Variants in AGXT2 observed in about 807,000 individuals in gnomAD.
AGXT2 encodes the protein alanine--glyoxylate aminotransferase 2, mitochondrial.
In AGXT2, 61 loss-of-function variants were observed where a neutral mutation model predicts 62.5. The observed-to-expected ratio is 0.98, with a 90% CI of 0.79 to 1.21. The LOEUF is 1.21. Among genes scored for constraint, AGXT2 ranks in the 50% most tolerant of loss-of-function variants. The pLI, the probability that AGXT2 is intolerant of heterozygous loss-of-function variation, is 0.00. For missense variants in AGXT2, 666 were observed against 641.5 expected (o/e 1.04, Z -0.41); for synonymous variants, 243 against 218.7 (o/e 1.11, Z -0.98).
chr5:35,040,779 A>T lies in AGXT2; in HGVS notation c.89-116T>A, dbSNP rs1351769736. On this transcript the variant is annotated intron_variant, in intron 1 of 13. Transcript: ENST00000231420. ...GATAATTTTATTTCTTAGTTAAAAA[A>T]TCATGCTAATCAGCTTTTAGTTTGG... 4.5e-5 allele frequency: 37 copies of T among 826,516 alleles called. No homozygotes were observed. In the East Asian group the frequency reaches 9.2e-4, roughly 21 times the overall value. The allele number at this position is 826,516 out of a possible 1,614,324, so 51.2% of individuals were successfully genotyped here.
chr5:35,038,946 C>T (rs1431917244), intron 3 of AGXT2, among the ~76,000 whole-genome samples: 1 of 152,168 alleles, frequency 6.6e-6, no homozygotes, highest in East Asian at 1.9e-4. Flanking sequence ...AGTTATTTCT[C>T]ATCTCTCATC....
Position 35,010,031 on chromosome 5 carries a change from A to G in AGXT2, c.1307T>C (p.Leu436Pro). The G allele has an allele frequency of 6.2e-7, 1 of 1,614,236 alleles. No homozygotes were observed. The highest frequency in any genetic ancestry group is 8.5e-7 in the Non-Finnish European group (1 of 1,180,038). ...EIVGDVRGKG[L>P]MIGIEMVQDK... The stretch of plus-strand genomic sequence containing the variant: ...CTGCACCATTTCTATGCCTATCATG[A>G]GACCTTTGCCTCGGACGTCTCCAAC... Residue 436 changes from leucine (L) to proline (P), a missense_variant, in exon 12 of 14, where the codon CTC (leucine) becomes CCC (proline). By Grantham distance (98) the Leu-to-Pro change is moderately conservative. Transcript: ENST00000231420.
Position 35,047,823 on chromosome 5 carries a change from T to A in AGXT2, c.70A>T (p.Met24Leu), listed in dbSNP as rs775616472. ...LVTSAPRILE[M>L]HPFLSLGTSR... ...CACTTACGGCTCAGGAAAGGATGCATCTCAAGGATCCTGGGAGCGGAAGTG... is the reference window on the plus strand; with the variant it reads ...CACTTACGGCTCAGGAAAGGATGCAACTCAAGGATCCTGGGAGCGGAAGTG... The change falls in exon 1 of 14, where the codon ATG becomes TTG. Residue 24 changes from methionine (M) to leucine (L), a missense_variant. Transcript: ENST00000231420. The A allele has an allele frequency of 1.9e-6, 3 of 1,614,048 alleles. No individual in the cohort carries two copies. Among genetic ancestry groups the A allele is most frequent in the Admixed American group, 1.7e-5 (1 of 60,016 alleles).
chr5:35,012,740 T>C (rs1191870227), intron 11 of AGXT2: 2 of 574,278 alleles, frequency 3.5e-6, no homozygotes, highest in Admixed American at 3.0e-5. Flanking sequence ...AGGTTTATTA[T>C]ATATTATTTC....
At chr5:35,026,903 ACT>A (rs1767376631) in intron 7 of AGXT2, 2 of 984,888 alleles carry the variant, frequency 2.0e-6, no homozygotes, top group Non-Finnish European at 2.4e-6. Context: ...TTTGAAAATA[ACT>A]CTATTTACCT....
At chr5:35,047,761 T>G (rs940262690) in intron 1 of AGXT2, 44 bp downstream of exon 1, 13 of 1,608,476 alleles carry the variant, frequency 8.1e-6, no homozygotes, top group Non-Finnish European at 1.0e-5. Context: ...TCTTACCCTC[T>G]CGCTGATCCT....
At chr5:35,023,006 A>AT (rs570613982) in intron 9 of AGXT2, among the ~76,000 whole-genome samples, 81 of 147,740 alleles carry the variant, frequency 5.5e-4, no homozygotes, top group Middle Eastern at 3.5e-3. Flanking sequence ...TCTTCTGCAA[A>AT]TTTTTTTTTT....
Position 34,998,673 on chromosome 5 carries a change from C to A in AGXT2, c.*46G>T, listed in dbSNP as rs16899972. The A allele has an allele frequency of 0.51, 756,191 of 1,477,144 alleles. 196,784 individuals carry two copies. The highest frequency in any genetic ancestry group is 0.61 in the South Asian group (53,814 of 88,060). The allele number at this position is 1,477,144 out of a possible 1,614,324, so 91.5% of individuals were successfully genotyped here. A position where few individuals can be genotyped will look rare whatever the true frequency, so the allele number is the denominator to read the frequency against. On this transcript the variant is annotated 3_prime_UTR_variant, in exon 14 of 14. Transcript: ENST00000231420. ...TTCTTCAAATTCACCCTTGAACATA[C>A]GTGGCAAATTCTTGAGACTTGTGGT...
intron 5 of AGXT2, 93 bp downstream of exon 5, chr5:35,035,127 ACC>A (rs1767711382): frequency 4.6e-6 from 5 of 1,084,572 alleles, no homozygotes; most frequent in Non-Finnish European, 5.7e-6. Context: ...CCCTGAGAAA[ACC>A]TCTCTCCCAC....
chr5:35,041,118 G>T (rs1767969315), intron 1 of AGXT2, among the ~76,000 whole-genome samples: 1 of 148,520 alleles, frequency 6.7e-6, no homozygotes, highest in South Asian at 2.2e-4. Flanking sequence ...CGGCATTAAT[G>T]ACTGTTGACT....
At chr5:35,039,717 C>T (rs935023133) in intron 2 of AGXT2, among the ~76,000 whole-genome samples, 19 of 152,124 alleles carry the variant, frequency 1.2e-4, no homozygotes, top group African/African-American at 4.3e-4. Flanking sequence ...TGTAGCCTTT[C>T]GATCTCTTTT....
intron 6 of AGXT2, 86 bp downstream of exon 6, chr5:35,033,374 C>A (rs1767641401): frequency 1.8e-6 from 2 of 1,091,200 alleles, no homozygotes; most frequent in Admixed American, 1.7e-5. Flanking sequence ...ATATTAGTTT[C>A]TAATCCTTAT....
chr5:35,010,280 C>T, intron 11 of AGXT2, 131 bp from the exon 12 acceptor site: 1 of 1,144,586 alleles, frequency 8.7e-7, no homozygotes, highest in Non-Finnish European at 1.3e-6. Flanking sequence ...TCTAGTGTGA[C>T]CACAAGGACT....
In AGXT2 at chr5:35,035,214, G is replaced by A; in HGVS notation, c.581+8C>T. ...TTCCTAAAGTTGAATATTCCAAGTT[G>A]TGATTACCTGAAAGAAATGATGTCT... On this transcript the variant is annotated splice_region_variant and intron_variant, in intron 5 of 13. Coordinates refer to ENST00000231420, the MANE Select transcript of AGXT2 (RefSeq NM_031900.4). 1.9e-6 allele frequency: 3 copies of A among 1,612,498 alleles called. No individual in the cohort carries two copies. The highest frequency in any genetic ancestry group is 2.5e-6 in the Non-Finnish European group (3 of 1,178,506).
intron 4 of AGXT2, among the ~76,000 whole-genome samples, chr5:35,036,472 T>G (rs1355309448): frequency 6.6e-6 from 1 of 152,240 alleles, no homozygotes; most frequent in East Asian, 1.9e-4. Flanking sequence ...AAAAAATATC[T>G]AAGTGTAATT....
intron 9 of AGXT2, among the ~76,000 whole-genome samples, chr5:35,023,163 T>C (rs1251939373): frequency 1.7e-4 from 8 of 46,420 alleles, no homozygotes; most frequent in African/African-American, 2.9e-4. Context: ...TGATGGCAGA[T>C]GTAAAAAAAA....
intron 9 of AGXT2, among the ~76,000 whole-genome samples, chr5:35,018,059 A>T (rs899808135): frequency 1.3e-5 from 2 of 152,218 alleles, no homozygotes; most frequent in Non-Finnish European, 2.9e-5. Flanking sequence ...GCCTCCAAGA[A>T]ATATGGGACT....
chr5:35,029,855 G>A (rs1339296051), intron 7 of AGXT2, among the ~76,000 whole-genome samples: 1 of 152,126 alleles, frequency 6.6e-6, no homozygotes, highest in East Asian at 1.9e-4. Flanking sequence ...GATGGAGTAG[G>A]ACAAATAAAT....
intron 12 of AGXT2, among the ~76,000 whole-genome samples, chr5:35,008,583 G>T (rs1404733210): frequency 6.6e-6 from 1 of 152,102 alleles, no homozygotes; most frequent in Non-Finnish European, 1.5e-5. Flanking sequence ...ATGCATGTTG[G>T]GGTCAAAACA....
Sources: gnomAD v4.1 joint callset for allele counts (sites outside exome capture counted in the v4.1 genomes callset) on GRCh38, gnomAD v4.1.1 for gene constraint, MANE v1.5 for transcripts, NCBI Gene and HGNC (gene_info 2026-07-23, HGNC 2026-07-21) for gene names.